The following ATF6 variants were observed in gnomAD, a reference collection of about 807,000 sequenced individuals.
ATF6 encodes cyclic AMP-dependent transcription factor ATF-6 alpha.
In ATF6, 53 loss-of-function variants were observed where a neutral mutation model predicts 83.6. The observed-to-expected ratio is 0.63, with a 90% CI of 0.51 to 0.80. The LOEUF (loss-of-function observed/expected upper bound fraction) is 0.80, where lower values mean the gene tolerates loss of function less well. Among genes scored for constraint, ATF6 ranks in the 30% least tolerant of loss-of-function variants. The pLI is 0.00. For synonymous variants in ATF6, 288 were observed against 285.8 expected (o/e 1.01, Z -0.08); for missense variants, 744 against 797.9 (o/e 0.93, Z 0.81).
At chr1:161,916,374 T>C (rs1424179775) in intron 15 of ATF6, among the ~76,000 whole-genome samples, 1 of 152,258 alleles carries the variant, frequency 6.6e-6, no homozygotes, top group African/African-American at 2.4e-5. Context: ...TTTCTATATT[T>C]GTTTTATATC....
Position 161,783,992 on chromosome 1 carries a change from A to T in ATF6, c.250A>T (p.Lys84Ter). 6.2e-7 allele frequency: 1 copy of T among 1,605,558 alleles called. No individual in the cohort carries two copies. Among genetic ancestry groups the T allele is most frequent in the Non-Finnish European group, 8.5e-7 (1 of 1,172,732 alleles). Residue 84 changes from lysine (K) to a stop codon, truncating the protein, a stop_gained and splice_region_variant, in exon 4 of 16, where the codon AAA becomes TAA. Coordinates refer to ENST00000367942, the MANE Select transcript of ATF6 (RefSeq NM_007348.4). LOFTEE classifies it high-confidence loss of function. ...WDINNQICTV[K>*]DIKAEPQPLS... The stretch of plus-strand genomic sequence containing the variant: ...AACCTTTCCTCCATGTTTTCCAGTT[A>T]AAGATATTAAGGCAGAACCTCAGCC...
At chr1:161,941,989 TTTTG>T (rs1395920715) in intron 15 of ATF6, among the ~76,000 whole-genome samples, 1 of 149,946 alleles carries the variant, frequency 6.7e-6, no homozygotes, top group African/African-American at 2.4e-5. Context: ...GGTGGGGGGG[TTTTG>T]TTTGTTTGTT....
At position 161,784,069 on chromosome 1, in the gene ATF6, C is replaced by CTCT. The variant is rs1684694640; in HGVS notation, c.329_331dup (p.Ser110dup). 6.2e-7 allele frequency: 1 copy of CTCT among 1,613,208 alleles called. No individual in the cohort carries two copies. The highest frequency in any genetic ancestry group is 1.3e-5 in the African/African-American group (1 of 74,900). On this transcript the variant is annotated inframe_insertion, in exon 4 of 16. Coordinates refer to ENST00000367942, the MANE Select transcript of ATF6 (RefSeq NM_007348.4). ...CAGTCTCGTCTCCTCGGTCAGTGGA[C>CTCT]TCTTATTCTTCAACTCAGCATGTTC... is the stretch of plus-strand genomic sequence containing the variant.
At chr1:161,793,388 G>A (rs970203547) in intron 6 of ATF6, among the ~76,000 whole-genome samples, 1 of 152,182 alleles carries the variant, frequency 6.6e-6, no homozygotes, top group African/African-American at 2.4e-5. Flanking sequence ...TACAAAGTCA[G>A]AACTGCTGCC....
chr1:161,802,188 C>A lies in ATF6; in HGVS notation c.825C>A (p.Ala275=). The part of the protein sequence containing the change: ...LPNHVVNVVP[A]PSANSPVNGK... ...ATCACGTGGTGAATGTGGTACCAGC[C>A]CCTTCAGCGAATAGCCCAGTGAATG... Residue 275 remains alanine (A), a synonymous_variant, in exon 7 of 16, where the codon GCC becomes GCA. Transcript: ENST00000367942. 1.2e-6 allele frequency: 2 copies of A among 1,614,024 alleles called. No individual in the cohort carries two copies. The highest frequency in any genetic ancestry group is 1.7e-6 in the Non-Finnish European group (2 of 1,179,982).
At chr1:161,944,223 T>G (rs1285864509) in intron 15 of ATF6, among the ~76,000 whole-genome samples, 1 of 152,144 alleles carries the variant, frequency 6.6e-6, no homozygotes, top group Non-Finnish European at 1.5e-5. Flanking sequence ...TTGGTGTAAT[T>G]TGCACTTTTA....
At chr1:161,924,098 A>C (rs530133686) in intron 15 of ATF6, among the ~76,000 whole-genome samples, 1 of 152,310 alleles carries the variant, frequency 6.6e-6, no homozygotes, top group Non-Finnish European at 1.5e-5. Flanking sequence ...CACTTCATAT[A>C]ATCTCAAGTT....
chr1:161,851,473 T>A (rs1188005943), intron 10 of ATF6, among the ~76,000 whole-genome samples: 1 of 152,222 alleles, frequency 6.6e-6, no homozygotes, highest in Non-Finnish European at 1.5e-5. Context: ...ATTGTATCGC[T>A]TATTCCAAAT....
At chr1:161,829,216 G>A (rs1007667165) in intron 9 of ATF6, among the ~76,000 whole-genome samples, 1 of 83,422 alleles carries the variant, frequency 1.2e-5, no homozygotes, top group Non-Finnish European at 2.3e-5. Flanking sequence ...TTTTTTTTTG[G>A]TGAGACGGAG....
At chr1:161,937,276 G>A (rs10918227) in intron 15 of ATF6, among the ~76,000 whole-genome samples, 94,427 of 149,688 alleles carry the variant, frequency 0.63, 31,561 homozygotes, top group Non-Finnish European at 0.75. Flanking sequence ...CCCAGGCAGC[G>A]GAGGTTGCAG....
intron 15 of ATF6, among the ~76,000 whole-genome samples, chr1:161,952,908 G>A (rs1013405417): frequency 5.3e-5 from 8 of 152,138 alleles, no homozygotes; most frequent in African/African-American, 1.9e-4. Flanking sequence ...GTGGAATGGT[G>A]GTGAGAAAGG....
chr1:161,870,553 G>A (rs898867583), intron 14 of ATF6, among the ~76,000 whole-genome samples: 9 of 151,840 alleles, frequency 5.9e-5, no homozygotes, highest in African/African-American at 1.9e-4. Context: ...TATGGATTCT[G>A]TATATGGCGT....
chr1:161,835,908 A>C (rs1686201216), intron 9 of ATF6, among the ~76,000 whole-genome samples: 1 of 152,196 alleles, frequency 6.6e-6, no homozygotes, highest in Non-Finnish European at 1.5e-5. Flanking sequence ...TTAGGTCTTA[A>C]AAAAATTAAC....
At chr1:161,949,016 T>C (rs1688813943) in intron 15 of ATF6, among the ~76,000 whole-genome samples, 2 of 152,228 alleles carry the variant, frequency 1.3e-5, no homozygotes, top group Admixed American at 1.3e-4. Context: ...CACCCTGTAC[T>C]TAACCCCATT....
chr1:161,877,535 G>A (rs1315254261), intron 14 of ATF6, among the ~76,000 whole-genome samples: 1 of 152,068 alleles, frequency 6.6e-6, no homozygotes, highest in African/African-American at 2.4e-5. Flanking sequence ...AATGGGAAGG[G>A]GGATGAGTAA....
chr1:161,884,976 T>G (rs1457146754), intron 14 of ATF6, among the ~76,000 whole-genome samples: 1 of 152,174 alleles, frequency 6.6e-6, no homozygotes. Flanking sequence ...CTAGTGAATT[T>G]AGCATTTATA....
intron 15 of ATF6, among the ~76,000 whole-genome samples, chr1:161,950,683 T>G (rs1003065845): frequency 3.9e-5 from 6 of 152,192 alleles, no homozygotes; most frequent in African/African-American, 1.4e-4. Flanking sequence ...CCAGGGCTAG[T>G]TCACTCAGCC....
chr1:161,877,024 C>T (rs1309021167), intron 14 of ATF6, among the ~76,000 whole-genome samples: 1 of 151,910 alleles, frequency 6.6e-6, no homozygotes, highest in Admixed American at 6.6e-5. Flanking sequence ...ATACATTCTT[C>T]TTTGTTGTAT....
intron 4 of ATF6, among the ~76,000 whole-genome samples, chr1:161,788,354 T>C (rs972831850): frequency 3.3e-5 from 5 of 152,198 alleles, no homozygotes; most frequent in African/African-American, 1.2e-4. Flanking sequence ...TTTGGACTTT[T>C]TTTCTTTTAT....
Sources: allele counts gnomAD v4.1 joint callset (sites outside exome capture counted in the v4.1 genomes callset), GRCh38; gene constraint gnomAD v4.1.1; transcripts MANE v1.5; gene names NCBI Gene and HGNC (gene_info 2026-07-23, HGNC 2026-07-21).